The following SDHA variants were observed in gnomAD, a reference collection of about 807,000 sequenced individuals.
SDHA encodes succinate dehydrogenase complex flavoprotein subunit A.
Under a neutral mutation model 78.4 loss-of-function variants are expected in SDHA, and 48 were observed. The ratio of observed to expected loss-of-function variants is 0.61; its 90% CI spans 0.49 to 0.78. The LOEUF (loss-of-function observed/expected upper bound fraction) is 0.78, where lower values mean the gene tolerates loss of function less well. Ranked by LOEUF, SDHA falls within the 30% of genes least tolerant of loss-of-function variation. The pLI is 0.00. For synonymous variants in SDHA, 326 were observed against 353.9 expected, an observed-to-expected ratio of 0.92 and a Z score of 0.88; for missense variants, 680 against 892.7, an observed-to-expected ratio of 0.76 and a Z score of 3.04.
Position 254,968 on chromosome 5 carries a change from G to A in SDHA, c.1908+462G>A, listed in dbSNP as rs535436454. ...TGCAGGGGAGCTGAGGGGATGTGGT[G>A]CAGCCTTTAGCATCCCCTGGGCACT... is the stretch of plus-strand genomic sequence containing the variant. On this transcript the variant is annotated intron_variant, in intron 14 of 14. Coordinates refer to ENST00000264932, the MANE Select transcript of SDHA (RefSeq NM_004168.4). 7.9e-5 allele frequency among the ~76,000 whole-genome samples: 12 copies of A among 152,106 alleles called. No individual in the cohort carries two copies. The South Asian group carries it at 1.5e-3, about 18-fold the overall frequency.
chr5:266,775 GAGATATTCAGACCCT>G, the SDHA span, among the ~76,000 whole-genome samples: 1 of 109,644 alleles, frequency 9.1e-6, no homozygotes, highest in Non-Finnish European at 1.7e-5. Flanking sequence ...CGCTGTGTCT[GAGATATTCAGACCCT>G]CGCCGTCCCG....
At chr5:247,730 C>T (rs1254192234) in intron 11 of SDHA, among the ~76,000 whole-genome samples, 1 of 152,224 alleles carries the variant, frequency 6.6e-6, no homozygotes, top group Non-Finnish European at 1.5e-5. Flanking sequence ...AGTCTTCTGC[C>T]TACGTTAAAC....
rs1376277962 is a variant in SDHA, at chr5:251,593, T to C, written c.1794+125T>C. On this transcript the variant is annotated intron_variant, in intron 13 of 14. Coordinates refer to ENST00000264932, the MANE Select transcript of SDHA (RefSeq NM_004168.4). ...CCAAAAGTAAATCCAAAAAATGCCTTTTTCCCCCCTGGTAACTTTGATCCC... is the reference window on the plus strand; with the variant it reads ...CCAAAAGTAAATCCAAAAAATGCCTCTTTCCCCCCTGGTAACTTTGATCCC... 8 of 1,556,794 alleles carry C rather than the reference T, an allele frequency of 5.1e-6. No individual in the cohort carries two copies. In the South Asian group the frequency reaches 9.5e-5, roughly 18 times the overall value.
chr5:258,698 CGCCTCCCGCCA>C, downstream of SDHA, among the ~76,000 whole-genome samples: 1 of 110,970 alleles, frequency 9.0e-6, no homozygotes, highest in African/African-American at 5.6e-5. Context: ...GTGTGAGCTC[CGCCTCCCGCCA>C]GAGCATTACC....
rs754648536 is a variant in SDHA at position 236,686 on chromosome 5, C to T, written c.1432+87C>T. The stretch of plus-strand genomic sequence containing the variant: ...TTCTTTTTTTTGAGAAAGGGTCAGC[C>T]CAGGCTGGAGTGCAGTGGCACAGTC... On this transcript the variant is annotated intron_variant, in intron 10 of 14. Coordinates refer to ENST00000264932, the MANE Select transcript of SDHA (RefSeq NM_004168.4). The T allele has an allele frequency of 6.0e-4, 837 of 1,404,614 alleles. 5 individuals are homozygous for T. In the Middle Eastern group the frequency reaches 0.013, roughly 21 times the overall value. The allele number at this position is 1,404,614 out of a possible 1,614,324, so 87.0% of individuals were successfully genotyped here. A position where few individuals can be genotyped will look rare whatever the true frequency, so the allele number is the denominator to read the frequency against.
At chr5:247,082 G>A (rs2126621658) in intron 11 of SDHA, among the ~76,000 whole-genome samples, 1 of 152,270 alleles carries the variant, frequency 6.6e-6, no homozygotes, top group African/African-American at 2.4e-5. Flanking sequence ...TTACAGATGG[G>A]TCTAGTAATG....
chr5:236,867 G>A (rs1327513286), intron 10 of SDHA, among the ~76,000 whole-genome samples: 3 of 151,032 alleles, frequency 2.0e-5, no homozygotes, highest in African/African-American at 7.4e-5. Context: ...GCCCAGGCTG[G>A]TCTTGAACTC....
intron 11 of SDHA, among the ~76,000 whole-genome samples, chr5:242,766 G>A (rs187503273): frequency 1.3e-5 from 2 of 152,302 alleles, no homozygotes; most frequent in African/African-American, 4.8e-5. Context: ...CCTGTGGTGA[G>A]TAAGACGGGT....
intron 1 of SDHA, among the ~76,000 whole-genome samples, chr5:222,129 A>C (rs919965341): frequency 3.3e-5 from 5 of 152,228 alleles, no homozygotes; most frequent in Admixed American, 2.6e-4. Context: ...TTACTAAGGT[A>C]GAAGAATATT....
At chr5:263,689 G>T in the SDHA span, among the ~76,000 whole-genome samples, 1 of 152,204 alleles carries the variant, frequency 6.6e-6, no homozygotes, top group Non-Finnish European at 1.5e-5. Flanking sequence ...TGTGTGATTG[G>T]TAAATGTGCA....
intron 11 of SDHA, among the ~76,000 whole-genome samples, chr5:241,072 C>T (rs561848712): frequency 6.6e-6 from 1 of 152,192 alleles, no homozygotes; most frequent in African/African-American, 2.4e-5. Context: ...GAGGCCTGAA[C>T]TATACAGAAG....
At chr5:230,326 A>G (rs1735313680) in intron 6 of SDHA, among the ~76,000 whole-genome samples, 1 of 152,180 alleles carries the variant, frequency 6.6e-6, no homozygotes, top group Non-Finnish European at 1.5e-5. Context: ...AACAGCACAA[A>G]GCTAAAATAC....
chr5:224,612 C>T (rs1734904875), intron 3 of SDHA, 91 bp downstream of exon 3: 1 of 1,348,446 alleles, frequency 7.4e-7, no homozygotes, highest in African/African-American at 1.5e-5. Flanking sequence ...GCCTCCTCCC[C>T]CTGCTCCAGC....
chr5:241,024 C>T (rs1456184352), intron 11 of SDHA, among the ~76,000 whole-genome samples: 4 of 152,014 alleles, frequency 2.6e-5, no homozygotes, highest in East Asian at 1.9e-4. Flanking sequence ...AGCGGTAGGA[C>T]GTACTCCTCA....
intron 14 of SDHA, among the ~76,000 whole-genome samples, chr5:255,735 T>C (rs1168326588): frequency 3.3e-5 from 5 of 152,182 alleles, no homozygotes; most frequent in African/African-American, 9.7e-5. Flanking sequence ...CAGCCAGTTT[T>C]AGTGATTTTT....
chr5:248,652 C>A (rs1469570314), intron 11 of SDHA, among the ~76,000 whole-genome samples: 1 of 152,100 alleles, frequency 6.6e-6, no homozygotes, highest in African/African-American at 2.4e-5. Flanking sequence ...CAGGATTGGA[C>A]CCAGTCAGAG....
rs995537350 is a variant in SDHA at position 250,915 on chromosome 5, A to C, written c.1552-77A>C. ...ACTTTTAAGTGAAATGCAAAACAAC[A>C]GGTCTAAAAGTTAAGCAGTTCTTGG... On this transcript the variant is annotated intron_variant, in intron 11 of 14. Transcript: ENST00000264932. 2.0e-5 allele frequency: 24 copies of C among 1,184,428 alleles called. No homozygotes were observed. The African/African-American group carries it at 3.6e-4, about 18-fold the overall frequency. 73.4% of individuals were successfully genotyped at this position (1,184,428 alleles called of 1,614,324 possible).
At chr5:232,549 GAATA>G (rs1442387840) in intron 7 of SDHA, among the ~76,000 whole-genome samples, 2 of 152,036 alleles carry the variant, frequency 1.3e-5, no homozygotes, top group Non-Finnish European at 2.9e-5. Context: ...TGTTTTTAAT[GAATA>G]AAATGTCACT....
At chr5:258,500 G>T (rs1421910984), downstream of SDHA, among the ~76,000 whole-genome samples, 9 of 102,630 alleles carry the variant, frequency 8.8e-5, no homozygotes, top group Non-Finnish European at 1.6e-4. Flanking sequence ...GAGCATTACC[G>T]TGTGAGCTCC....
Sources: gnomAD v4.1 joint callset for allele counts (sites outside exome capture counted in the v4.1 genomes callset) on GRCh38, gnomAD v4.1.1 for gene constraint, MANE v1.5 for transcripts, NCBI Gene and HGNC (gene_info 2026-07-23, HGNC 2026-07-21) for gene names.